NRG1: variants seen among roughly 807,000 people sequenced by gnomAD.
NRG1 encodes pro-neuregulin-1, membrane-bound isoform.
NRG1 carries 18 observed loss-of-function variants against 63.8 expected under a neutral mutation model. The observed-to-expected ratio is 0.28, with a 90% confidence interval of 0.19 to 0.42. NRG1 has a LOEUF of 0.42. NRG1 is among the 10% of genes least tolerant of loss of function. The probability of loss-of-function intolerance (pLI) is 1.00; values close to 1 mark genes in which losing one functional copy is unlikely to be tolerated. For synonymous variants in NRG1, 302 were observed against 301.3 expected (o/e 1.00, Z -0.02); for missense variants, 762 against 814.7 (o/e 0.94, Z 0.79).
chr8:31,729,446 A>T (rs1297661586), intron 1 of NRG1, among the ~76,000 whole-genome samples: 2 of 152,138 alleles, frequency 1.3e-5, no homozygotes, highest in Non-Finnish European at 2.9e-5. Flanking sequence ...AAAAATTTAC[A>T]ATTGGAAAAT....
intron 1 of NRG1, among the ~76,000 whole-genome samples, chr8:32,052,345 A>G (rs1822126724): frequency 1.4e-5 from 2 of 143,012 alleles, no homozygotes; most frequent in African/African-American, 5.3e-5. Flanking sequence ...GTGTGATCAT[A>G]GCTCACTGCA....
At chr8:32,679,197 T>C (rs369514867) in intron 5 of NRG1, among the ~76,000 whole-genome samples, 13 of 152,262 alleles carry the variant, frequency 8.5e-5, no homozygotes, top group African/African-American at 3.1e-4. Context: ...GACAAATGAC[T>C]GATTAGTATT....
intron 1 of NRG1, among the ~76,000 whole-genome samples, chr8:32,150,528 G>A (rs1049175901): frequency 5.9e-5 from 9 of 152,200 alleles, no homozygotes; most frequent in Non-Finnish European, 1.0e-4. Context: ...ATGTGAGGGC[G>A]TAGCAAGAGG....
chr8:32,548,660 C>T (rs1833436030), exon 1 of NRG1: 1 of 1,516,936 alleles, frequency 6.6e-7, no homozygotes, highest in Non-Finnish European at 8.8e-7. Context: ...CAAACCCGAT[C>T]CGAGCCCTTG....
Position 32,646,108 on chromosome 8 carries a change from A to G in NRG1, c.502+29223A>G, listed in dbSNP as rs1033693702. 5.3e-5 allele frequency among the ~76,000 whole-genome samples: 8 copies of G among 152,296 alleles called. 1 individual carries two copies. Among genetic ancestry groups the G allele is most frequent in the Admixed American group, 4.6e-4 (7 of 15,298 alleles). The stretch of plus-strand genomic sequence containing the variant: ...ATGAAGTGGTAGCTTTGCTCGCATC[A>G]TAACTCTGTTACTTACTGGTGCTTC... On this transcript the variant is annotated intron_variant, in intron 5 of 11. Transcript: ENST00000356819.
At chr8:32,371,702 CA>C (rs1476497234) in intron 1 of NRG1, among the ~76,000 whole-genome samples, 1 of 152,126 alleles carries the variant, frequency 6.6e-6, no homozygotes, top group Non-Finnish European at 1.5e-5. Flanking sequence ...TCCTTTCTGC[CA>C]TCTGGATCAG....
intron 1 of NRG1, among the ~76,000 whole-genome samples, chr8:31,658,310 C>G (rs941933791): frequency 1.3e-5 from 2 of 152,164 alleles, no homozygotes; most frequent in African/African-American, 4.8e-5. Flanking sequence ...TGGCTTCTAC[C>G]TCTCACTCTG....
intron 3 of NRG1, among the ~76,000 whole-genome samples, chr8:32,608,237 G>C (rs1362156703): frequency 2.6e-5 from 4 of 151,370 alleles, no homozygotes; most frequent in Non-Finnish European, 5.9e-5. Context: ...AGGGTGCAGA[G>C]GTGTGATCTT....
chr8:31,659,421 G>A (rs1285288333), intron 1 of NRG1, among the ~76,000 whole-genome samples: 1 of 152,190 alleles, frequency 6.6e-6, no homozygotes, highest in East Asian at 1.9e-4. Context: ...TGGGAACCAT[G>A]CAACCATGCG....
At chr8:31,751,222 G>C (rs545337600) in intron 1 of NRG1, among the ~76,000 whole-genome samples, 1 of 152,070 alleles carries the variant, frequency 6.6e-6, no homozygotes, top group South Asian at 2.1e-4. Flanking sequence ...TGAGCCAGTT[G>C]GCTCTCTCTG....
chr8:32,599,219 G>A (rs1003371054), intron 2 of NRG1, among the ~76,000 whole-genome samples: 1 of 151,898 alleles, frequency 6.6e-6, no homozygotes, highest in African/African-American at 2.4e-5. Flanking sequence ...TTAGTGTTTT[G>A]CAGTTGTTAG....
At chr8:32,728,337 G>C in intron 6 of NRG1, 1 of 983,308 alleles carries the variant, frequency 1.0e-6, no homozygotes, top group South Asian at 4.7e-5. Flanking sequence ...GTTATTTATA[G>C]TGTTGCTTTC....
At chr8:31,656,352 A>G (rs114088815) in intron 1 of NRG1, among the ~76,000 whole-genome samples, 122 of 152,310 alleles carry the variant, frequency 8.0e-4, no homozygotes, top group African/African-American at 2.8e-3. Flanking sequence ...AGTGGTGACT[A>G]TTGCCACACA....
intron 1 of NRG1, among the ~76,000 whole-genome samples, chr8:31,973,875 A>G (rs1187542416): frequency 2.0e-5 from 3 of 152,142 alleles, no homozygotes; most frequent in African/African-American, 7.2e-5. Context: ...TAAAAGAGAG[A>G]ACTTAGTATT....
At chr8:32,385,563 A>C (rs1381253686) in intron 1 of NRG1, among the ~76,000 whole-genome samples, 2 of 152,110 alleles carry the variant, frequency 1.3e-5, no homozygotes, top group African/African-American at 4.8e-5. Flanking sequence ...GCGGAAGGCA[A>C]AGGAGGAGAA....
At chr8:32,730,736 G>GT (rs1257203101) in intron 6 of NRG1, among the ~76,000 whole-genome samples, 2 of 152,054 alleles carry the variant, frequency 1.3e-5, no homozygotes, top group African/African-American at 4.8e-5. Context: ...AGTTTGTAAG[G>GT]TTTTCTCTGA....
At position 32,654,383 on chromosome 8, in the gene NRG1, T is replaced by C. The variant is rs185553685; in HGVS notation, c.502+37498T>C. Among the ~76,000 whole-genome samples, 1,180 of 152,218 alleles carry C rather than the reference T, an allele frequency of 7.8e-3. 5 individuals carry two copies. Among genetic ancestry groups the C allele is most frequent in the Middle Eastern group, 0.024 (7 of 294 alleles). On this transcript the variant is annotated intron_variant, in intron 5 of 11. Transcript: ENST00000356819. The stretch of plus-strand genomic sequence containing the variant: ...GTGGCTTACGCCTGTAATCCCAGCA[T>C]TTTGGGAGGCCAAGGTGGGAGGATC...
chr8:32,161,658 G>A (rs1563855774), intron 1 of NRG1, among the ~76,000 whole-genome samples: 2 of 152,064 alleles, frequency 1.3e-5, no homozygotes, highest in Non-Finnish European at 2.9e-5. Flanking sequence ...GCAACAAACA[G>A]TTGTATCTTG....
chr8:31,801,035 G>A (rs1821735050), intron 1 of NRG1, among the ~76,000 whole-genome samples: 1 of 150,292 alleles, frequency 6.7e-6, no homozygotes, highest in Admixed American at 6.6e-5. Context: ...TTTTAGTAGA[G>A]ACGGGGTTTC....
Sources: gnomAD v4.1 joint callset for allele counts (sites outside exome capture counted in the v4.1 genomes callset) on GRCh38, gnomAD v4.1.1 for gene constraint, MANE v1.5 for transcripts, NCBI Gene and HGNC (gene_info 2026-07-23, HGNC 2026-07-21) for gene names.